Variants in VPS33A observed in about 807,000 individuals in gnomAD.
The protein encoded by VPS33A is VPS33A core subunit of CORVET and HOPS complexes.
A neutral mutation model predicts 71.8 loss-of-function variants in VPS33A; 32 were observed. The observed-to-expected ratio is 0.45, with a 90% confidence interval of 0.34 to 0.60. VPS33A has a LOEUF of 0.60. Ranked by LOEUF, VPS33A falls within the 20% of genes least tolerant of loss-of-function variation. The probability of loss-of-function intolerance (pLI) is 0.02; values close to 1 mark genes in which losing one functional copy is unlikely to be tolerated. For synonymous variants in VPS33A, 311 were observed against 292.7 expected, an observed-to-expected ratio of 1.06 and a Z score of -0.64; for missense variants, 625 against 748.5, an observed-to-expected ratio of 0.84 and a Z score of 1.92.
chr12:122,242,792 G>A (rs568485418), intron 7 of VPS33A, among the ~76,000 whole-genome samples: 181 of 152,274 alleles, frequency 1.2e-3, no homozygotes, highest in Middle Eastern at 0.01. Flanking sequence ...GACCTCAGGT[G>A]ATCCACCCAC....
At position 122,265,333 on chromosome 12, in the gene VPS33A, T is replaced by C. The variant is rs367852667; in HGVS notation, c.102+974A>G. 2.4e-4 allele frequency among the ~76,000 whole-genome samples: 37 copies of C among 152,312 alleles called. 1 individual carries two copies. In the South Asian group the frequency reaches 5.2e-3, roughly 21 times the overall value. On this transcript the variant is annotated intron_variant, in intron 1 of 12. Transcript: ENST00000267199. ...AGTGAGGACTCCAACCTAGGACTTT[T>C]TGACACCATGAGTCATTGCTTTGGG...
intron 8 of VPS33A, 134 bp downstream of exon 8, chr12:122,242,248 C>T: frequency 8.9e-7 from 1 of 1,123,288 alleles, no homozygotes; most frequent in Non-Finnish European, 1.3e-6. Context: ...ACTTCATTAA[C>T]ACTGAGAAGA....
chr12:122,264,486 G>A (rs1209407728), intron 1 of VPS33A, among the ~76,000 whole-genome samples: 5 of 152,080 alleles, frequency 3.3e-5, no homozygotes, highest in Admixed American at 3.3e-4. Context: ...TGCCTCCAGG[G>A]TTCAAGTGAT....
chr12:122,244,870 G>A, intron 6 of VPS33A, 108 bp from the exon 7 acceptor site: 2 of 1,085,058 alleles, frequency 1.8e-6, no homozygotes, highest in African/African-American at 1.6e-5. Context: ...ATGGAAGACG[G>A]CAAACGACAC....
chr12:122,231,932 C>A lies in VPS33A; in HGVS notation c.*314G>T. 1 of 395,836 alleles carries A rather than the reference C, an allele frequency of 2.5e-6. No homozygotes were observed. 24.5% of individuals were successfully genotyped at this position (395,836 alleles called of 1,614,324 possible). On this transcript the variant is annotated 3_prime_UTR_variant, in exon 13 of 13. Coordinates refer to ENST00000267199, the MANE Select transcript of VPS33A (RefSeq NM_022916.6). The stretch of plus-strand genomic sequence containing the variant: ...ATTAGCCGGGTGTGGTGGTGCATGC[C>A]TGTAGTCCCAGCTACTCAGGAGGCT...
intron 7 of VPS33A, among the ~76,000 whole-genome samples, chr12:122,244,058 T>C (rs1369929446): frequency 2.6e-5 from 4 of 152,190 alleles, no homozygotes; most frequent in African/African-American, 4.8e-5. Context: ...AAGAATAAAC[T>C]AGTGAACGGG....
Position 122,264,170 on chromosome 12 carries a change from T to C in VPS33A, c.132A>G (p.Gly44=), listed in dbSNP as rs751284254. Residue 44 remains glycine, a synonymous_variant, in exon 2 of 13, where the codon GGA becomes GGG. Coordinates refer to ENST00000267199, the MANE Select transcript of VPS33A (RefSeq NM_022916.6). ...AATACTGTGCAATCAGGCCAAAGGGTCCAGTTAGGTATTCATCCCAAACTA... is the reference window on the plus strand; with the variant it reads ...AATACTGTGCAATCAGGCCAAAGGGCCCAGTTAGGTATTCATCCCAAACTA... ...KAIVWDEYLT[G]PFGLIAQYSL... The C allele has an allele frequency of 1.9e-6, 3 of 1,557,948 alleles. No individual in the cohort carries two copies. In the Admixed American group the frequency reaches 5.1e-5, roughly 26 times the overall value.
intron 7 of VPS33A, among the ~76,000 whole-genome samples, chr12:122,242,960 G>A (rs1002879890): frequency 2.6e-5 from 4 of 152,262 alleles, no homozygotes; most frequent in Admixed American, 6.5e-5. Flanking sequence ...CATAAAAAAA[G>A]AGAAAAGAAA....
chr12:122,254,428 G>A (rs1954888320), intron 4 of VPS33A, among the ~76,000 whole-genome samples: 1 of 113,894 alleles, frequency 8.8e-6, no homozygotes, highest in African/African-American at 3.6e-5. Flanking sequence ...TTTGAGATAG[G>A]CTCTCGCTCT....
intron 4 of VPS33A, chr12:122,253,529 G>C (rs906212992): frequency 6.7e-6 from 1 of 148,742 alleles, no homozygotes; most frequent in Non-Finnish European, 1.5e-5. Context: ...CTCCAGCCGG[G>C]GCAACAGAGC....
chr12:122,259,197 G>GTATA (rs1202058472), intron 4 of VPS33A, among the ~76,000 whole-genome samples: 1 of 149,752 alleles, frequency 6.7e-6, no homozygotes, highest in Non-Finnish European at 1.5e-5. Context: ...GTGTATGTAT[G>GTATA]TATGTATGTA....
At position 122,240,085 on chromosome 12, in the gene VPS33A, T is replaced by C; in HGVS notation, c.1097-140A>G. 3 of 648,410 alleles carry C rather than the reference T, an allele frequency of 4.6e-6. 1 individual carries two copies. Among genetic ancestry groups the C allele is most frequent in the Non-Finnish European group, 2.7e-6 (1 of 371,894 alleles). The allele number at this position is 648,410 out of a possible 1,614,324, so 40.2% of individuals were successfully genotyped here. ...GCTCACACCTGTAATCTCAGCACTG[T>C]AGGGGGCCGAGGTGGGTGGATCACT... is the stretch of plus-strand genomic sequence containing the variant. On this transcript the variant is annotated intron_variant, in intron 8 of 12. Transcript: ENST00000267199.
intron 9 of VPS33A, 129 bp downstream of exon 9, chr12:122,239,746 TCTC>T (rs1954685977): frequency 6.1e-6 from 2 of 330,210 alleles, no homozygotes; most frequent in Non-Finnish European, 9.5e-6. Flanking sequence ...TGAGACTCCG[TCTC>T]AAAAAAAAAA....
Position 122,251,885 on chromosome 12 carries a change from G to A in VPS33A, c.484-786C>T, listed in dbSNP as rs184023479. ...ACATGTATACATATGTAACAAACCTGCATGTTGTGCACATGTACCCTAGAA... is the reference window on the plus strand; with the variant it reads ...ACATGTATACATATGTAACAAACCTACATGTTGTGCACATGTACCCTAGAA... On this transcript the variant is annotated intron_variant, in intron 4 of 12. Transcript: ENST00000267199. Among the ~76,000 whole-genome samples, 85 of 150,210 alleles carry A rather than the reference G, an allele frequency of 5.7e-4. No individual in the cohort carries two copies. The East Asian group carries it at 0.013, about 23-fold the overall frequency.
intron 9 of VPS33A, among the ~76,000 whole-genome samples, chr12:122,239,103 G>A (rs555734483): frequency 3.2e-4 from 49 of 152,136 alleles, no homozygotes; most frequent in Admixed American, 9.2e-4. Context: ...GTCTGGACAC[G>A]TCTGTCTCTA....
intron 4 of VPS33A, among the ~76,000 whole-genome samples, chr12:122,256,625 A>C (rs1197917742): frequency 6.6e-6 from 1 of 152,068 alleles, no homozygotes; most frequent in Non-Finnish European, 1.5e-5. Flanking sequence ...CAGCAGCGGC[A>C]CCAGCAGCAG....
intron 11 of VPS33A, 138 bp downstream of exon 11, chr12:122,235,648 G>A (rs1954620062): frequency 1.8e-6 from 2 of 1,115,362 alleles, no homozygotes; most frequent in Non-Finnish European, 2.5e-6. Context: ...TACAATACAT[G>A]CATACATTAC....
chr12:122,266,386 C>T lies in VPS33A; in HGVS notation c.23G>A (p.Gly8Asp), dbSNP rs1385998159. The T allele has an allele frequency of 8.1e-6, 13 of 1,613,146 alleles. No individual in the cohort carries two copies. Among genetic ancestry groups the T allele is most frequent in the Non-Finnish European group, 1.0e-5 (12 of 1,179,574 alleles). The part of the protein sequence containing the change: MAAHLSY[G>D]RVNLNVLREA... Reference sequence around the variant, plus strand: ...GCGCAACACGTTTAGGTTCACTCGGCCGTAGGACAGATGAGCCGCCATCTT... The same window carrying T: ...GCGCAACACGTTTAGGTTCACTCGGTCGTAGGACAGATGAGCCGCCATCTT... Residue 8 changes from glycine (G) to aspartate (D), a missense_variant, in exon 1 of 13, where the codon GGC becomes GAC. Physicochemically the swap from Gly to Asp is moderately conservative, Grantham distance 94 (BLOSUM62 -1). Transcript: ENST00000267199.
At chr12:122,266,166 T>G in intron 1 of VPS33A, 141 bp downstream of exon 1, 4 of 1,258,362 alleles carry the variant, frequency 3.2e-6, no homozygotes, top group Non-Finnish European at 4.3e-6. Flanking sequence ...TGCACAGGGG[T>G]GCAGGTAAAA....
Sources: allele counts gnomAD v4.1 joint callset (sites outside exome capture counted in the v4.1 genomes callset), GRCh38; gene constraint gnomAD v4.1.1; transcripts MANE v1.5; gene names NCBI Gene and HGNC (gene_info 2026-07-23, HGNC 2026-07-21).